SYT16: variants seen among roughly 807,000 people sequenced by gnomAD.
SYT16 encodes the protein synaptotagmin-16.
SYT16 carries 42 observed loss-of-function variants against 61.4 expected under a neutral mutation model. The ratio of observed to expected loss-of-function variants is 0.68; its 90% CI spans 0.53 to 0.89. SYT16 has a LOEUF of 0.89. Ranked by LOEUF, SYT16 falls within the 40% of genes least tolerant of loss-of-function variation. The pLI, the probability that SYT16 is intolerant of heterozygous loss-of-function variation, is 0.00. For missense variants in SYT16, 804 were observed against 807.3 expected (o/e 1.00, Z 0.05); for synonymous variants, 314 against 302.3 (o/e 1.04, Z -0.40).
intron 2 of SYT16, among the ~76,000 whole-genome samples, chr14:61,993,611 C>A (rs1175065965): frequency 6.6e-6 from 1 of 151,576 alleles, no homozygotes; most frequent in Non-Finnish European, 1.5e-5. Flanking sequence ...ATCTGTGACG[C>A]ACTGAAGCTT....
intron 1 of SYT16, among the ~76,000 whole-genome samples, chr14:61,952,645 C>G (rs1463101371): frequency 6.6e-6 from 1 of 152,118 alleles, no homozygotes; most frequent in Admixed American, 6.5e-5. Context: ...AGATAGCACC[C>G]CATGTATACC....
chr14:61,817,322 G>A (rs1457371473), intron 1 of SYT16, among the ~76,000 whole-genome samples: 2 of 151,456 alleles, frequency 1.3e-5, no homozygotes, highest in Non-Finnish European at 2.9e-5. Context: ...GGAGGCGGAG[G>A]CAGGAGAATC....
At chr14:62,054,331 T>C (rs941989457) in intron 3 of SYT16, among the ~76,000 whole-genome samples, 7 of 150,656 alleles carry the variant, frequency 4.6e-5, no homozygotes, top group Non-Finnish European at 1.0e-4. Context: ...GAATATGGCC[T>C]TTATAAAAGC....
At chr14:61,934,411 A>C (rs906914683) in intron 1 of SYT16, among the ~76,000 whole-genome samples, 26 of 152,320 alleles carry the variant, frequency 1.7e-4, no homozygotes, top group African/African-American at 6.3e-4. Context: ...TCTGTATGAC[A>C]AAAAATGTAG....
Position 62,111,028 on chromosome 14 carries a change from G to A in SYT16, c.*10321G>A, listed in dbSNP as rs953290127. The A allele has an allele frequency of 2.6e-5, 4 of 151,796 alleles. No individual in the cohort carries two copies. Among genetic ancestry groups the A allele is most frequent in the Non-Finnish European group, 5.9e-5 (4 of 67,894 alleles). The allele number at this position is 151,796 out of a possible 1,614,324, so 9.4% of individuals were successfully genotyped here. A position where few individuals can be genotyped will look rare whatever the true frequency, so the allele number is the denominator to read the frequency against. ...AAAGATTTAAAAAATCATTTTTAAG[G>A]TACATCCAAGATTTCATAGCAATAT... is the stretch of plus-strand genomic sequence containing the variant. On this transcript the variant is annotated 3_prime_UTR_variant, in exon 8 of 8. Transcript: ENST00000683842.
At chr14:61,821,497 G>C (rs532184724) in intron 1 of SYT16, among the ~76,000 whole-genome samples, 2 of 152,282 alleles carry the variant, frequency 1.3e-5, no homozygotes, top group African/African-American at 2.4e-5. Flanking sequence ...GAGTGGGGCA[G>C]ATCCACTACT....
intron 7 of SYT16, among the ~76,000 whole-genome samples, chr14:62,088,926 A>G (rs936875220): frequency 1.3e-5 from 2 of 151,486 alleles, no homozygotes; most frequent in Non-Finnish European, 2.9e-5. Context: ...AGTCTTAGCC[A>G]TGCATAGGGA....
intron 1 of SYT16, among the ~76,000 whole-genome samples, chr14:61,927,318 TTTTGTCTTCATCAGCATCCCAGC>T (rs1382514332): frequency 4.1e-4 from 63 of 152,342 alleles, no homozygotes; most frequent in African/African-American, 1.2e-3. Flanking sequence ...AGACTAGGCA[TTTTGTCTTCATCAGCATCCCAGC>T]TGTGATCCTG....
intron 1 of SYT16, among the ~76,000 whole-genome samples, chr14:61,885,179 G>T (rs1178575893): frequency 1.1e-4 from 17 of 152,190 alleles, no homozygotes; most frequent in Admixed American, 1.1e-3. Context: ...GTGGAGTAGA[G>T]AGTAAGATCA....
At chr14:61,821,583 G>A (rs1335034033) in intron 1 of SYT16, among the ~76,000 whole-genome samples, 1 of 152,166 alleles carries the variant, frequency 6.6e-6, no homozygotes, top group Non-Finnish European at 1.5e-5. Context: ...ACTGGCTTTA[G>A]CTAGAGGCTA....
intron 1 of SYT16, among the ~76,000 whole-genome samples, chr14:61,966,209 T>G (rs2051310225): frequency 6.6e-6 from 1 of 152,132 alleles, no homozygotes; most frequent in African/African-American, 2.4e-5. Context: ...TTTTCTACAC[T>G]TTTTCTTGTG....
intron 2 of SYT16, among the ~76,000 whole-genome samples, chr14:61,987,224 A>G (rs1366178564): frequency 6.6e-6 from 1 of 152,114 alleles, no homozygotes; most frequent in Non-Finnish European, 1.5e-5. Flanking sequence ...AGCCTGTGAG[A>G]GGAGCCTGAG....
intron 1 of SYT16, among the ~76,000 whole-genome samples, chr14:61,903,134 A>G (rs1057264014): frequency 3.9e-5 from 6 of 152,192 alleles, no homozygotes; most frequent in African/African-American, 9.7e-5. Context: ...TTATAAGGAC[A>G]TCAGTCATAC....
At chr14:61,989,363 G>T (rs2052452375) in intron 2 of SYT16, among the ~76,000 whole-genome samples, 1 of 152,104 alleles carries the variant, frequency 6.6e-6, no homozygotes, top group Non-Finnish European at 1.5e-5. Context: ...AGGAGTTTGA[G>T]ACCAGCCTGG....
intron 3 of SYT16, among the ~76,000 whole-genome samples, chr14:62,041,812 C>T (rs2054742434): frequency 6.6e-6 from 1 of 152,070 alleles, no homozygotes; most frequent in African/African-American, 2.4e-5. Flanking sequence ...CTCACTGGTG[C>T]TTTCTTCATG....
chr14:61,942,415 C>G (rs1297761243), intron 1 of SYT16, among the ~76,000 whole-genome samples: 3 of 152,206 alleles, frequency 2.0e-5, no homozygotes, highest in Non-Finnish European at 2.9e-5. Context: ...AGAAGAGGCT[C>G]TATTCAATCT....
At chr14:62,058,322 G>A (rs1445384694) in intron 3 of SYT16, among the ~76,000 whole-genome samples, 2 of 144,804 alleles carry the variant, frequency 1.4e-5, no homozygotes, top group Admixed American at 6.9e-5. Context: ...ATGGTCAAAT[G>A]TATGTTATGT....
In SYT16 at chr14:62,015,965, A is replaced by G. The variant is rs532039909; in HGVS notation, c.523+19423A>G. 2.0e-4 allele frequency among the ~76,000 whole-genome samples: 31 copies of G among 152,340 alleles called. 1 individual carries two copies. Among genetic ancestry groups the G allele is most frequent in the Middle Eastern group, 6.8e-3 (2 of 294 alleles). On this transcript the variant is annotated intron_variant, in intron 3 of 7. Transcript: ENST00000683842. ...TTCTTTGAGATATAAGGCAAGACAT[A>G]TGAGTCCTTCCCCCAGGATAGTCCT...
chr14:61,873,164 G>A (rs1231945700), intron 1 of SYT16, among the ~76,000 whole-genome samples: 1 of 152,198 alleles, frequency 6.6e-6, no homozygotes. Context: ...ATAAAAACCT[G>A]TGAAATTTAA....
Sources: gnomAD v4.1 joint callset for allele counts (sites outside exome capture counted in the v4.1 genomes callset) on GRCh38, gnomAD v4.1.1 for gene constraint, MANE v1.5 for transcripts, NCBI Gene and HGNC (gene_info 2026-07-23, HGNC 2026-07-21) for gene names.